Variants in OR9Q1 observed in about 807,000 individuals in gnomAD.
The protein encoded by OR9Q1 is olfactory receptor family 9 subfamily Q member 1.
For synonymous variants in OR9Q1, 153 were observed against 148.6 expected (o/e 1.03, Z -0.22); for missense variants, 374 against 378.8 (o/e 0.99, Z 0.11).
intron 1 of OR9Q1, among the ~76,000 whole-genome samples, chr11:58,048,983 C>A (rs1853250117): frequency 4.6e-5 from 1 of 21,920 alleles, no homozygotes; most frequent in Non-Finnish European, 9.2e-5. Flanking sequence ...GAGTCCAGGA[C>A]CAGATGGATT....
At chr11:58,033,687 G>A (rs2513727) in intron 1 of OR9Q1, among the ~76,000 whole-genome samples, 50,465 of 151,672 alleles carry the variant, frequency 0.33, 8,821 homozygotes, top group East Asian at 0.68. Context: ...AATGAATAGA[G>A]TCCAAACCTT....
At chr11:58,150,420 A>G (rs1158073550) in intron 2 of OR9Q1, among the ~76,000 whole-genome samples, 2 of 152,150 alleles carry the variant, frequency 1.3e-5, no homozygotes, top group Non-Finnish European at 2.9e-5. Context: ...ATATGATGAG[A>G]CCTTGCCTCT....
At chr11:58,034,735 T>C (rs79805229) in intron 1 of OR9Q1, among the ~76,000 whole-genome samples, 7 of 111,476 alleles carry the variant, frequency 6.3e-5, no homozygotes, top group African/African-American at 2.3e-4. Flanking sequence ...GGTTTCTTTC[T>C]TTCCTTCCTT....
chr11:58,159,467 A>T (rs977991747), intron 2 of OR9Q1, among the ~76,000 whole-genome samples: 1 of 150,736 alleles, frequency 6.6e-6, no homozygotes, highest in Admixed American at 6.6e-5. Context: ...AAAAAAAAAC[A>T]GTCATTAGAT....
At chr11:58,178,876 G>GTATATATTATATATATATTTATATATTA (rs1272193719) in intron 2 of OR9Q1, among the ~76,000 whole-genome samples, 14 of 117,348 alleles carry the variant, frequency 1.2e-4, no homozygotes, top group Admixed American at 1.8e-4. Flanking sequence ...TATTTTATAT[G>GTATATATTATATATATATTTATATATTA]TATATATTAT....
intron 2 of OR9Q1, among the ~76,000 whole-genome samples, chr11:58,138,841 T>C (rs944855967): frequency 6.6e-6 from 1 of 152,214 alleles, no homozygotes; most frequent in Non-Finnish European, 1.5e-5. Flanking sequence ...ATAGTCACCA[T>C]GCTGTACCAT....
At chr11:58,178,913 A>T (rs1854630457) in intron 2 of OR9Q1, among the ~76,000 whole-genome samples, 1 of 144,190 alleles carries the variant, frequency 6.9e-6, no homozygotes, top group African/African-American at 2.5e-5. Context: ...TATATATATT[A>T]TATATTTATA....
intron 2 of OR9Q1, among the ~76,000 whole-genome samples, chr11:58,128,927 G>A (rs931719486): frequency 7.2e-5 from 11 of 152,144 alleles, no homozygotes; most frequent in African/African-American, 2.7e-4. Context: ...TACATGGAAA[G>A]CATGTCCTGT....
chr11:58,115,626 A>G (rs555021702), intron 2 of OR9Q1, among the ~76,000 whole-genome samples: 120 of 152,208 alleles, frequency 7.9e-4, no homozygotes, highest in African/African-American at 2.8e-3. Context: ...GAATCCCACT[A>G]TGTTGTTGCC....
At chr11:58,161,233 A>G (rs376613193) in intron 2 of OR9Q1, among the ~76,000 whole-genome samples, 6 of 142,590 alleles carry the variant, frequency 4.2e-5, no homozygotes, top group Admixed American at 2.8e-4. Flanking sequence ...CCTAGAACGT[A>G]AAGTATAAAA....
In OR9Q1 at chr11:58,179,691, G is replaced by T. The variant is rs111629598; in HGVS notation, c.247G>T (p.Ala83Ser). ...YSSITVPQML[A>S]VLLEHGAALS... ...ATCTATCACTGTCCCCCAGATGCTG[G>T]CAGTGCTGCTGGAGCATGGGGCAGC... is the stretch of plus-strand genomic sequence containing the variant. Residue 83 changes from alanine to serine, a missense_variant, in exon 3 of 3, where the codon GCA (alanine) becomes TCA (serine). Coordinates refer to ENST00000335397, the MANE Select transcript of OR9Q1 (RefSeq NM_001005212.4). 1 of 1,613,924 alleles carries T rather than the reference G, an allele frequency of 6.2e-7. No individual in the cohort carries two copies. Among genetic ancestry groups the T allele is most frequent in the African/African-American group, 1.3e-5 (1 of 74,922 alleles).
intron 1 of OR9Q1, 146 bp from the exon 2 acceptor site, chr11:58,055,724 T>C (rs1853320509): frequency 6.8e-6 from 1 of 147,162 alleles, no homozygotes; most frequent in Admixed American, 7.1e-5. Flanking sequence ...TGCCTGAGCC[T>C]GGGAGGTAGA....
In OR9Q1 at chr11:58,143,718, G is replaced by T. The variant is rs188874724; in HGVS notation, c.-14-35713G>T. Among the ~76,000 whole-genome samples the T allele has an allele frequency of 1.8e-3, 275 of 152,204 alleles. 3 individuals are homozygous for T. The highest frequency in any genetic ancestry group is 0.016 in the Admixed American group (248 of 15,282). ...CCTGTTGGGGAAGGGCTGTAGGCGG[G>T]GGGGTGGCATTAGGAAAAAAAGCTA... On this transcript the variant is annotated intron_variant, in intron 2 of 2. Transcript: ENST00000335397.
chr11:58,045,977 A>G (rs942055566), intron 1 of OR9Q1, among the ~76,000 whole-genome samples: 4 of 152,244 alleles, frequency 2.6e-5, no homozygotes, highest in African/African-American at 9.6e-5. Flanking sequence ...TGTGACAACC[A>G]AAACTGTCTC....
intron 2 of OR9Q1, among the ~76,000 whole-genome samples, chr11:58,062,909 C>T (rs1853394479): frequency 6.6e-6 from 1 of 152,176 alleles, no homozygotes; most frequent in Admixed American, 6.5e-5. Flanking sequence ...TGAGTTCTCT[C>T]AAGATAGGCC....
At chr11:58,038,087 C>G (rs59594813) in intron 1 of OR9Q1, among the ~76,000 whole-genome samples, 39,429 of 151,268 alleles carry the variant, frequency 0.26, 5,680 homozygotes, top group East Asian at 0.61. Flanking sequence ...CTGATGCATA[C>G]CCATAGAAAG....
intron 1 of OR9Q1, among the ~76,000 whole-genome samples, chr11:58,050,625 G>A (rs1318123630): frequency 1.6e-5 from 2 of 123,024 alleles, no homozygotes; most frequent in African/African-American, 5.9e-5. Flanking sequence ...AAGAGCTTCT[G>A]CACAGCAAAA....
At chr11:58,034,792 C>CCCTTCCTTCCTTCCTTCCTT (rs71061567) in intron 1 of OR9Q1, among the ~76,000 whole-genome samples, 5,715 of 95,860 alleles carry the variant, frequency 0.06, 336 homozygotes, top group South Asian at 0.13. Context: ...CCTCCTTTCT[C>CCCTTCCTTCCTTCCTTCCTT]CCTTCCTTCC....
At chr11:58,035,444 C>T (rs569963778) in intron 1 of OR9Q1, among the ~76,000 whole-genome samples, 20 of 152,222 alleles carry the variant, frequency 1.3e-4, no homozygotes, top group Admixed American at 1.3e-3. Context: ...TGAAGGAGCT[C>T]TTTATGGCAG....
Sources: gnomAD v4.1 joint callset for allele counts (sites outside exome capture counted in the v4.1 genomes callset) on GRCh38, gnomAD v4.1.1 for gene constraint, MANE v1.5 for transcripts, NCBI Gene and HGNC (gene_info 2026-07-23, HGNC 2026-07-21) for gene names.